Variants in DUSP16 observed in about 807,000 individuals in gnomAD.
DUSP16 encodes the protein dual specificity phosphatase 16.
In DUSP16, 21 loss-of-function variants were observed where a neutral mutation model predicts 58.3. The observed-to-expected ratio is 0.36, with a 90% CI of 0.26 to 0.52. DUSP16 has a LOEUF of 0.52. Ranked by LOEUF, DUSP16 falls within the 20% of genes least tolerant of loss-of-function variation. The pLI is 0.94. For missense variants in DUSP16, 726 were observed against 819.0 expected (o/e 0.89, Z 1.39); for synonymous variants, 320 against 323.8 (o/e 0.99, Z 0.12).
At chr12:12,485,429 T>C (rs996308869) in intron 5 of DUSP16, 1 of 152,260 alleles carries the variant, frequency 6.6e-6, no homozygotes, top group African/African-American at 2.4e-5. Flanking sequence ...GCAAGTGTTT[T>C]GGAATTACTT....
intron 1 of DUSP16, among the ~76,000 whole-genome samples, chr12:12,557,478 A>C (rs1290813385): frequency 6.6e-6 from 1 of 151,732 alleles, no homozygotes; most frequent in African/African-American, 2.4e-5. Flanking sequence ...AAAAAAATCT[A>C]AGTTTCCATG....
intron 1 of DUSP16, among the ~76,000 whole-genome samples, chr12:12,523,306 T>C (rs1300894205): frequency 6.6e-6 from 1 of 152,166 alleles, no homozygotes; most frequent in Non-Finnish European, 1.5e-5. Flanking sequence ...CTATGCATCA[T>C]AGACAGGAGG....
chr12:12,522,688 C>T (rs1944253669), intron 1 of DUSP16, among the ~76,000 whole-genome samples: 1 of 151,958 alleles, frequency 6.6e-6, no homozygotes, highest in African/African-American at 2.4e-5. Context: ...CTCAGCCTCC[C>T]AAGTTGCTGG....
rs200573264 is a variant in DUSP16, at chr12:12,477,707, G to T, written c.1124C>A (p.Pro375Gln). 3 of 1,612,928 alleles carry T rather than the reference G, an allele frequency of 1.9e-6. No individual in the cohort carries two copies. The highest frequency in any genetic ancestry group is 3.3e-5 in the Admixed American group (2 of 59,984). ...CAGCCCACTGAGCGCCTGTACCAGC[G>T]GGCTGTCCTCTAACAGCGACGGCTG... ...SVQPSLLEDS[P>Q]LVQALSGLHL... The change falls in exon 7 of 7, where the codon CCG (proline) becomes CAG (glutamine). Residue 375 changes from proline to glutamine, a missense_variant. Coordinates refer to ENST00000298573, the MANE Select transcript of DUSP16 (RefSeq NM_030640.3). This position sits in a 1 kb window ranked among gnomAD's most constrained non-coding sequence, Gnocchi z 4.1.
At chr12:12,526,125 G>C (rs1944303470) in intron 1 of DUSP16, among the ~76,000 whole-genome samples, 1 of 152,154 alleles carries the variant, frequency 6.6e-6, no homozygotes, top group Non-Finnish European at 1.5e-5. Flanking sequence ...GATAAACTGA[G>C]TCAACATCTT....
intron 4 of DUSP16, among the ~76,000 whole-genome samples, chr12:12,496,272 T>C (rs1943826669): frequency 6.6e-6 from 1 of 152,232 alleles, no homozygotes; most frequent in African/African-American, 2.4e-5. Context: ...TTTGACACGC[T>C]TTTGTGTTCC....
chr12:12,489,374 A>T (rs900680964), intron 4 of DUSP16, among the ~76,000 whole-genome samples: 15 of 152,216 alleles, frequency 9.9e-5, no homozygotes, highest in Non-Finnish European at 1.6e-4. Flanking sequence ...AGGTGAGTTT[A>T]TCTAGTACTA....
At chr12:12,518,845 A>G (rs1339736235) in intron 3 of DUSP16, among the ~76,000 whole-genome samples, 2 of 152,234 alleles carry the variant, frequency 1.3e-5, no homozygotes, top group Non-Finnish European at 2.9e-5. Flanking sequence ...ACAATCTGAA[A>G]AAGATGAACT....
chr12:12,493,474 G>T (rs74645246), intron 4 of DUSP16, among the ~76,000 whole-genome samples: 9,694 of 152,152 alleles, frequency 0.064, 441 homozygotes, highest in East Asian at 0.18. Context: ...AGATTATGTT[G>T]CTCCTCTGCT....
intron 4 of DUSP16, among the ~76,000 whole-genome samples, chr12:12,495,522 C>T (rs1258369725): frequency 6.6e-6 from 1 of 152,164 alleles, no homozygotes; most frequent in African/African-American, 2.4e-5. Flanking sequence ...CTCTCCTAAC[C>T]CTGAAATAAG....
At position 12,521,461 on chromosome 12, in the gene DUSP16, A is replaced by G; in HGVS notation, c.-363T>C. ...TCCAACAGCTTTACACTGGACTGAA[A>G]GCCTACGCGGAGAGAGAAAGACAGA... On this transcript the variant is annotated splice_region_variant and 5_prime_UTR_variant, in exon 2 of 7. Coordinates refer to ENST00000298573, the MANE Select transcript of DUSP16 (RefSeq NM_030640.3). 1 of 1,089,410 alleles carries G rather than the reference A, an allele frequency of 9.2e-7. No individual in the cohort carries two copies. The highest frequency in any genetic ancestry group is 4.1e-4 in the Middle Eastern group (1 of 2,410). 67.5% of individuals were successfully genotyped at this position (1,089,410 alleles called of 1,614,324 possible). A position where few individuals can be genotyped will look rare whatever the true frequency, so the allele number is the denominator to read the frequency against.
intron 1 of DUSP16, among the ~76,000 whole-genome samples, chr12:12,539,506 T>G (rs75227760): frequency 0.065 from 9,918 of 152,128 alleles, 487 homozygotes; most frequent in East Asian, 0.23. Context: ...TTGGGAGAGA[T>G]AGAGTTCAGT....
At chr12:12,519,642 C>T (rs1944200773) in intron 3 of DUSP16, among the ~76,000 whole-genome samples, 1 of 152,066 alleles carries the variant, frequency 6.6e-6, no homozygotes, top group Non-Finnish European at 1.5e-5. Flanking sequence ...TAATAGCAAG[C>T]AAAGAGGCAC....
chr12:12,510,419 C>T (rs184718423), intron 3 of DUSP16, among the ~76,000 whole-genome samples: 503 of 152,304 alleles, frequency 3.3e-3, no homozygotes, highest in Non-Finnish European at 5.8e-3. Context: ...CCATGTGAAG[C>T]GCAAAGCTTT....
rs1425867430 is a variant in DUSP16 at position 12,476,652 on chromosome 12, A to C, written c.*181T>G. 1.6e-5 allele frequency: 9 copies of C among 552,130 alleles called. No individual in the cohort carries two copies. The highest frequency in any genetic ancestry group is 2.8e-5 in the Non-Finnish European group (9 of 321,418). The allele number at this position is 552,130 out of a possible 1,614,324, so 34.2% of individuals were successfully genotyped here. ...TTTTTGTTGAGAGAAGTATTAGCTG[A>C]TCTCTCAAATGCAGATGTTAAGAGA... On this transcript the variant is annotated 3_prime_UTR_variant, in exon 7 of 7. Coordinates refer to ENST00000298573, the MANE Select transcript of DUSP16 (RefSeq NM_030640.3).
rs149585246 is a variant in DUSP16, at chr12:12,528,809, A to G, written c.-365-7346T>C. Among the ~76,000 whole-genome samples the G allele has an allele frequency of 2.5e-3, 379 of 152,120 alleles. 3 individuals carry two copies. The highest frequency in any genetic ancestry group is 8.7e-3 in the African/African-American group (362 of 41,452). The stretch of plus-strand genomic sequence containing the variant: ...AAAAACAAAACATTTCCTATGATAG[A>G]CGCCGATAAGAACTAGGGAGAAAAA... On this transcript the variant is annotated intron_variant, in intron 1 of 6. Transcript: ENST00000298573.
chr12:12,500,592 G>A lies in DUSP16; in HGVS notation c.458C>T (p.Pro153Leu), dbSNP rs775811253. Residue 153 changes from proline (P) to leucine (L), a missense_variant, in exon 4 of 7, where the codon CCT (proline) becomes CTT (leucine). By Grantham distance (98) the Pro-to-Leu change is moderately conservative. Transcript: ENST00000298573. ...TCGGGTTGGCCCAATGTTGGCAACA[G>A]GTAAGCAAGGCTGAGAAATGCAGGT... Reference protein sequence around the residue: ...VPTCISQPCLPVANIGPTRIL... With the variant: ...VPTCISQPCLLVANIGPTRIL... The A allele has an allele frequency of 2.5e-6, 4 of 1,612,170 alleles. No homozygotes were observed. Among genetic ancestry groups the A allele is most frequent in the South Asian group, 1.1e-5 (1 of 90,588 alleles).
At chr12:12,523,400 T>A (rs1944261830) in intron 1 of DUSP16, among the ~76,000 whole-genome samples, 2 of 152,180 alleles carry the variant, frequency 1.3e-5, no homozygotes, top group Admixed American at 1.3e-4. Flanking sequence ...TAAAAACAGA[T>A]GTAATTCCAT....
At chr12:12,559,128 T>C (rs577841417) in intron 1 of DUSP16, among the ~76,000 whole-genome samples, 2 of 152,284 alleles carry the variant, frequency 1.3e-5, no homozygotes, top group African/African-American at 2.4e-5. Flanking sequence ...AAATAACAGA[T>C]TGTCTACAAC....
Sources: allele counts gnomAD v4.1 joint callset (sites outside exome capture counted in the v4.1 genomes callset), GRCh38; gene constraint gnomAD v4.1.1; non-coding constraint Gnocchi (gnomAD v3.1); transcripts MANE v1.5; gene names NCBI Gene and HGNC (gene_info 2026-07-23, HGNC 2026-07-21).